Variants in TRMT11 observed in about 807,000 individuals in gnomAD.
TRMT11 encodes tRNA methyltransferase 11.
In TRMT11, 53 loss-of-function variants were observed where a neutral mutation model predicts 62.8. That is an observed-to-expected ratio of 0.84 (90% CI 0.68 to 1.06). TRMT11 has a LOEUF of 1.06. TRMT11 is among the 50% of genes least tolerant of loss of function. The pLI is 0.00. For missense variants in TRMT11, 556 were observed against 553.4 expected (o/e 1.00, Z -0.05); for synonymous variants, 188 against 190.3 (o/e 0.99, Z 0.10).
At position 126,100,722 on chromosome 6, in the gene TRMT11, G is replaced by A. The variant is rs576971106; in HGVS notation, c.*1438-12144G>A. 5.9e-5 allele frequency among the ~76,000 whole-genome samples: 9 copies of A among 152,246 alleles called. 1 individual carries two copies. In the East Asian group the frequency reaches 1.7e-3, roughly 29 times the overall value. On this transcript the variant is annotated intron_variant and NMD_transcript_variant, in intron 17 of 22. Transcript: ENST00000648977. ...GGTAATTTTTCCACAGACAAGAGTC[G>A]GGGGAATGGTTTTGGGATGATTCAA...
intron 21 of TRMT11, among the ~76,000 whole-genome samples, chr6:126,155,827 T>C (rs1023944548): frequency 6.6e-6 from 1 of 151,984 alleles, no homozygotes; most frequent in African/African-American, 2.4e-5. Context: ...TTCACGCCAT[T>C]CTCCTGCCTC....
intron 21 of TRMT11, among the ~76,000 whole-genome samples, chr6:126,156,004 G>C (rs773364467): frequency 2.0e-5 from 3 of 152,128 alleles, no homozygotes; most frequent in Non-Finnish European, 2.9e-5. Context: ...GGGATTACAG[G>C]TGTGAGCCAC....
intron 17 of TRMT11, among the ~76,000 whole-genome samples, chr6:126,103,914 G>T (rs1777432633): frequency 6.6e-6 from 1 of 152,096 alleles, no homozygotes; most frequent in Non-Finnish European, 1.5e-5. Flanking sequence ...AAGGAGATGG[G>T]GTTATACAAG....
intron 21 of TRMT11, among the ~76,000 whole-genome samples, chr6:126,140,383 G>A (rs1777904075): frequency 6.6e-6 from 1 of 151,910 alleles, no homozygotes; most frequent in Non-Finnish European, 1.5e-5. Flanking sequence ...TATTTGCTTG[G>A]TAAAATGGAT....
the TRMT11 span, among the ~76,000 whole-genome samples, chr6:126,270,246 C>T: frequency 6.6e-6 from 1 of 151,942 alleles, no homozygotes; most frequent in South Asian, 2.1e-4. Context: ...TTCTGAAACC[C>T]TATTTGTTTT....
intron 16 of TRMT11, among the ~76,000 whole-genome samples, chr6:126,052,685 G>C (rs551649206): frequency 6.6e-6 from 1 of 152,306 alleles, no homozygotes; most frequent in South Asian, 2.1e-4. Context: ...GCTTCACACA[G>C]AAATGCTGCC....
intron 16 of TRMT11, among the ~76,000 whole-genome samples, chr6:126,046,488 A>G (rs1583840016): frequency 6.6e-6 from 1 of 152,162 alleles, no homozygotes; most frequent in Non-Finnish European, 1.5e-5. Flanking sequence ...CTCCAACCCC[A>G]TGTTCCCTTG....
rs372042024 is a variant in TRMT11 at position 126,073,891 on chromosome 6, G to A, written c.*1437+20701G>A. On this transcript the variant is annotated intron_variant and NMD_transcript_variant, in intron 17 of 22. Transcript: ENST00000648977. Reference sequence around the variant, plus strand: ...AAAACTTACAGTCATGGCAGAAGGGGAAGCAACACCTCCTTCTTCACATGG... The same window carrying A: ...AAAACTTACAGTCATGGCAGAAGGGAAAGCAACACCTCCTTCTTCACATGG... Among the ~76,000 whole-genome samples the A allele has an allele frequency of 1.0e-3, 157 of 152,254 alleles. 2 individuals are homozygous for A. Among genetic ancestry groups the A allele is most frequent in the South Asian group, 6.4e-3 (31 of 4,820 alleles).
intron 16 of TRMT11, among the ~76,000 whole-genome samples, chr6:126,047,067 C>G (rs1217801934): frequency 1.3e-5 from 2 of 151,930 alleles, no homozygotes; most frequent in African/African-American, 4.8e-5. Context: ...GCCTGGACTC[C>G]TTGACATGGC....
At chr6:126,022,910 G>T (rs954107835) in intron 12 of TRMT11, among the ~76,000 whole-genome samples, 5 of 152,146 alleles carry the variant, frequency 3.3e-5, no homozygotes, top group African/African-American at 1.2e-4. Context: ...ATATTCAAAT[G>T]ACATCCTTGG....
chr6:126,164,907 A>G (rs1778239838), intron 21 of TRMT11, among the ~76,000 whole-genome samples: 1 of 152,138 alleles, frequency 6.6e-6, no homozygotes, highest in Admixed American at 6.5e-5. Context: ...AATACAGCAC[A>G]CTGATGGGTC....
chr6:125,998,565 C>A lies in TRMT11; in HGVS notation c.403C>A (p.Pro135Thr). The A allele has an allele frequency of 1.2e-6, 2 of 1,611,922 alleles. No individual in the cohort carries two copies. Among genetic ancestry groups the A allele is most frequent in the Non-Finnish European group, 1.7e-6 (2 of 1,179,202 alleles). ...TTTCTTTTAGGCACTTGAATTTCTG[C>A]CATTTGAAGGAAAAGTGAATTTAAA... ...IKRIDALEFL[P>T]FEGKVNLKKP... Residue 135 changes from proline (P) to threonine (T), a missense_variant, in exon 6 of 13, where the codon CCA (proline) becomes ACA (threonine). By Grantham distance (38) the Pro-to-Thr change is conservative (BLOSUM62 -1). Transcript: ENST00000334379.
At chr6:126,208,441 T>A (rs1778808930), downstream of TRMT11, among the ~76,000 whole-genome samples, 2 of 152,166 alleles carry the variant, frequency 1.3e-5, no homozygotes, top group South Asian at 4.1e-4. Flanking sequence ...CTAGTAAAAA[T>A]TGATTTAGAC....
At chr6:126,057,325 A>G (rs1319779285) in intron 17 of TRMT11, among the ~76,000 whole-genome samples, 1 of 152,204 alleles carries the variant, frequency 6.6e-6, no homozygotes, top group Non-Finnish European at 1.5e-5. Context: ...GTCTTAGGTT[A>G]TCTTTGAAGC....
At chr6:126,239,539 ACT>A in the TRMT11 span, among the ~76,000 whole-genome samples, 1 of 151,900 alleles carries the variant, frequency 6.6e-6, no homozygotes. Flanking sequence ...ATTGGCCCCC[ACT>A]CTCTTCTGGC....
At chr6:126,069,547 T>C (rs558325407) in intron 17 of TRMT11, among the ~76,000 whole-genome samples, 2 of 152,348 alleles carry the variant, frequency 1.3e-5, no homozygotes, top group African/African-American at 4.8e-5. Context: ...GAATTATGCC[T>C]GGTTTTGCTG....
At chr6:126,025,126 A>G (rs1329391818) in intron 12 of TRMT11, among the ~76,000 whole-genome samples, 2 of 152,214 alleles carry the variant, frequency 1.3e-5, no homozygotes, top group East Asian at 3.8e-4. Context: ...GCCATATAAT[A>G]AATCAGCCAT....
At chr6:126,057,400 G>A (rs944288792) in intron 17 of TRMT11, among the ~76,000 whole-genome samples, 2 of 152,198 alleles carry the variant, frequency 1.3e-5, no homozygotes, top group African/African-American at 2.4e-5. Flanking sequence ...GAATTATGGT[G>A]GGATATTTGG....
intron 17 of TRMT11, among the ~76,000 whole-genome samples, chr6:126,099,887 G>T (rs1777379838): frequency 6.6e-6 from 1 of 152,182 alleles, no homozygotes; most frequent in African/African-American, 2.4e-5. Context: ...AGTGGTTGTG[G>T]GTCTGGAAGA....
Sources: allele counts gnomAD v4.1 joint callset (sites outside exome capture counted in the v4.1 genomes callset), GRCh38; gene constraint gnomAD v4.1.1; transcripts MANE v1.5; gene names NCBI Gene and HGNC (gene_info 2026-07-23, HGNC 2026-07-21).